The following DCLK2 variants were observed in gnomAD, a reference collection of about 807,000 sequenced individuals.
The protein encoded by DCLK2 is serine/threonine-protein kinase DCLK2.
Under a neutral mutation model 78.4 loss-of-function variants are expected in DCLK2, and 31 were observed. The observed-to-expected ratio is 0.40, with a 90% CI of 0.30 to 0.53. The LOEUF is 0.53. DCLK2 is among the 20% of genes least tolerant of loss of function. The pLI, the probability that DCLK2 is intolerant of heterozygous loss-of-function variation, is 0.61. For missense variants in DCLK2, 872 were observed against 973.7 expected (o/e 0.90, Z 1.39); for synonymous variants, 407 against 374.9 (o/e 1.09, Z -0.99).
intron 2 of DCLK2, among the ~76,000 whole-genome samples, chr4:150,164,471 A>C (rs1439686513): frequency 6.6e-6 from 1 of 152,242 alleles, no homozygotes; most frequent in Non-Finnish European, 1.5e-5. Context: ...TAATTTGTAG[A>C]TAAATGAATT....
intron 12 of DCLK2, among the ~76,000 whole-genome samples, chr4:150,246,836 C>T (rs979852284): frequency 9.9e-5 from 15 of 152,216 alleles, no homozygotes; most frequent in Admixed American, 6.5e-4. Flanking sequence ...GTCAGTCAGG[C>T]GCAGGTTGGA....
rs377590399 is a variant in DCLK2, at chr4:150,256,138, C to T, written c.2192C>T (p.Pro731Leu). ...VPPSVEEIPV[P>L]GEAVPAPTPP... ...CCCTCAGTGGAGGAGATCCCTGTGCCTGGGGAAGCAGTCCCGGCCCCCACC... is the reference window on the plus strand; with the variant it reads ...CCCTCAGTGGAGGAGATCCCTGTGCTTGGGGAAGCAGTCCCGGCCCCCACC... The change falls in exon 16 of 16, where the codon CCT becomes CTT. Residue 731 changes from proline to leucine, a missense_variant. Transcript: ENST00000296550. The T allele has an allele frequency of 6.2e-7, 1 of 1,610,746 alleles. No homozygotes were observed.
At chr4:150,247,759 C>T in intron 13 of DCLK2, 60 bp downstream of exon 13, 1 of 1,381,848 alleles carries the variant, frequency 7.2e-7, no homozygotes, top group East Asian at 2.3e-5. Flanking sequence ...ACCCATTGCA[C>T]AGGGCTGTAG....
chr4:150,163,775 A>G (rs1735874932), intron 2 of DCLK2, among the ~76,000 whole-genome samples: 2 of 152,230 alleles, frequency 1.3e-5, no homozygotes, highest in Non-Finnish European at 2.9e-5. Flanking sequence ...TTCAATTTCT[A>G]AAAGCTGCTG....
At chr4:150,116,369 G>T (rs921533473) in intron 2 of DCLK2, among the ~76,000 whole-genome samples, 2 of 152,216 alleles carry the variant, frequency 1.3e-5, no homozygotes, top group Admixed American at 6.5e-5. Flanking sequence ...GACTTTCCCT[G>T]CTGAGCCCGG....
chr4:150,130,414 C>T (rs114413996), intron 2 of DCLK2, among the ~76,000 whole-genome samples: 3,570 of 152,170 alleles, frequency 0.023, 59 homozygotes, highest in Middle Eastern at 0.037. Flanking sequence ...AGTAGAGAGA[C>T]TGTTCCCATC....
Position 150,253,388 on chromosome 4 carries a change from C to G in DCLK2, c.2074-2632C>G, listed in dbSNP as rs975686798. On this transcript the variant is annotated intron_variant, in intron 15 of 15. Coordinates refer to ENST00000296550, the MANE Select transcript of DCLK2 (RefSeq NM_001040260.4). Reference sequence around the variant, plus strand: ...TCCCCAGAGCTGGGGCCTGAGACTTCAGTGAGAAAATGATGGGCTAGAAAT... The same window carrying G: ...TCCCCAGAGCTGGGGCCTGAGACTTGAGTGAGAAAATGATGGGCTAGAAAT... 4 of 1,272,290 alleles carry G rather than the reference C, an allele frequency of 3.1e-6. 1 individual carries two copies. Among genetic ancestry groups the G allele is most frequent in the Non-Finnish European group, 4.1e-6 (4 of 971,560 alleles). The allele number at this position is 1,272,290 out of a possible 1,614,324, so 78.8% of individuals were successfully genotyped here.
intron 1 of DCLK2, among the ~76,000 whole-genome samples, chr4:150,081,570 A>G (rs1729276395): frequency 6.6e-6 from 1 of 152,198 alleles, no homozygotes; most frequent in South Asian, 2.1e-4. Flanking sequence ...AATACAATAA[A>G]ATTACTGCAA....
At position 150,248,404 on chromosome 4, in the gene DCLK2, A is replaced by C; in HGVS notation, c.1956+19A>C. On this transcript the variant is annotated intron_variant, in intron 14 of 15. Coordinates refer to ENST00000296550, the MANE Select transcript of DCLK2 (RefSeq NM_001040260.4). ...GGTGTCAGTAAGTACCCACATTCCC[A>C]GGGAATGGGCCTCACTGTGCTCTGT... The C allele has an allele frequency of 6.2e-7, 1 of 1,605,380 alleles. No homozygotes were observed. Among genetic ancestry groups the C allele is most frequent in the African/African-American group, 1.3e-5 (1 of 74,858 alleles).
intron 10 of DCLK2, among the ~76,000 whole-genome samples, chr4:150,233,379 C>T (rs1282142027): frequency 1.3e-5 from 2 of 152,068 alleles, no homozygotes; most frequent in African/African-American, 2.4e-5. Context: ...GGACACAGAG[C>T]CAAAGCATGT....
chr4:150,128,695 A>G lies in DCLK2; in HGVS notation c.756+25883A>G, dbSNP rs954841905. ...ACTTTATTCCAGATAGGAAGCAGAC[A>G]TTCCTAAAGAAATGCCACTGGTTTC... is the stretch of plus-strand genomic sequence containing the variant. On this transcript the variant is annotated intron_variant, in intron 2 of 15. Transcript: ENST00000296550. Among the ~76,000 whole-genome samples the G allele has an allele frequency of 2.0e-5, 3 of 152,184 alleles. No individual in the cohort carries two copies. In the South Asian group the frequency reaches 6.2e-4, roughly 32 times the overall value.
chr4:150,240,749 T>TAA (rs372514541), intron 12 of DCLK2, among the ~76,000 whole-genome samples: 4 of 59,988 alleles, frequency 6.7e-5, no homozygotes, highest in Non-Finnish European at 7.7e-5. Flanking sequence ...TAAAATATAA[T>TAA]AAAAAAAAAA....
At chr4:150,195,668 A>G (rs1054515965) in intron 3 of DCLK2, among the ~76,000 whole-genome samples, 3 of 150,352 alleles carry the variant, frequency 2.0e-5, no homozygotes, top group East Asian at 2.0e-4. Context: ...CTTTGTATGT[A>G]CAGGCATTGT....
At chr4:150,185,287 CA>C (rs749624655) in intron 2 of DCLK2, among the ~76,000 whole-genome samples, 7 of 152,184 alleles carry the variant, frequency 4.6e-5, no homozygotes, top group Non-Finnish European at 8.8e-5. Context: ...AAGAAGAGCA[CA>C]GGGGGACCAC....
intron 2 of DCLK2, among the ~76,000 whole-genome samples, chr4:150,136,951 T>C (rs1165733040): frequency 1.3e-5 from 2 of 151,758 alleles, no homozygotes; most frequent in African/African-American, 4.8e-5. Context: ...AAAATGTATT[T>C]ATTTCTCATC....
chr4:150,131,302 C>A (rs1733296384), intron 2 of DCLK2, among the ~76,000 whole-genome samples: 2 of 152,152 alleles, frequency 1.3e-5, no homozygotes, highest in South Asian at 4.1e-4. Flanking sequence ...ATTAAAAATA[C>A]ATACTTCACC....
chr4:150,210,197 T>G (rs1293138131), intron 5 of DCLK2, among the ~76,000 whole-genome samples: 1 of 152,178 alleles, frequency 6.6e-6, no homozygotes, highest in Non-Finnish European at 1.5e-5. Context: ...AAAAAGGGAT[T>G]AATAGGACCT....
At chr4:150,136,079 C>T (rs190788988) in intron 2 of DCLK2, among the ~76,000 whole-genome samples, 188 of 152,190 alleles carry the variant, frequency 1.2e-3, no homozygotes, top group Non-Finnish European at 1.6e-3. Flanking sequence ...GATTTTTGAC[C>T]CCCTTAAATT....
intron 1 of DCLK2, among the ~76,000 whole-genome samples, chr4:150,098,184 G>C (rs983259943): frequency 7.9e-5 from 12 of 152,090 alleles, no homozygotes; most frequent in African/African-American, 2.2e-4. Context: ...ATAAATCTTA[G>C]TTATAGGGAG....
Sources: gnomAD v4.1 joint callset for allele counts (sites outside exome capture counted in the v4.1 genomes callset) on GRCh38, gnomAD v4.1.1 for gene constraint, MANE v1.5 for transcripts, NCBI Gene and HGNC (gene_info 2026-07-23, HGNC 2026-07-21) for gene names.